Variants in STARD13 observed in about 807,000 individuals in gnomAD.
STARD13 encodes the protein stAR-related lipid transfer protein 13.
Under a neutral mutation model 106.4 loss-of-function variants are expected in STARD13, and 62 were observed. That is an observed-to-expected ratio of 0.58 (90% CI 0.48 to 0.72). The LOEUF (loss-of-function observed/expected upper bound fraction) is 0.72. Ranked by LOEUF, STARD13 falls within the 30% of genes least tolerant of loss-of-function variation. The pLI, the probability that STARD13 is intolerant of heterozygous loss-of-function variation, is 0.00. For missense variants in STARD13, 1,387 were observed against 1,424.0 expected, an observed-to-expected ratio of 0.97 and a Z score of 0.42; for synonymous variants, 565 against 553.0, an observed-to-expected ratio of 1.02 and a Z score of -0.31.
chr13:33,548,025 A>G, the STARD13 span, among the ~76,000 whole-genome samples: 4 of 152,310 alleles, frequency 2.6e-5, no homozygotes, highest in African/African-American at 9.6e-5. Context: ...TTTTAGATTC[A>G]CTATAACTCT....
chr13:33,180,876 A>C (rs760484413), intron 1 of STARD13, among the ~76,000 whole-genome samples: 3 of 152,184 alleles, frequency 2.0e-5, no homozygotes, highest in African/African-American at 2.4e-5. Context: ...CCGTCCTTGA[A>C]ACTTTTGCTT....
chr13:33,584,380 AAGAG>A, the STARD13 span, among the ~76,000 whole-genome samples: 1 of 152,068 alleles, frequency 6.6e-6, no homozygotes, highest in Non-Finnish European at 1.5e-5. Flanking sequence ...AGGAGCAAGA[AAGAG>A]AGAGGGTACC....
chr13:33,447,018 G>C, the STARD13 span, among the ~76,000 whole-genome samples: 16 of 152,174 alleles, frequency 1.1e-4, no homozygotes, highest in African/African-American at 3.4e-4. Context: ...CAGGATTTGG[G>C]CCAAGTCCCA....
the STARD13 span, among the ~76,000 whole-genome samples, chr13:33,670,920 T>A: frequency 6.6e-6 from 1 of 152,250 alleles, no homozygotes; most frequent in Non-Finnish European, 1.5e-5. Flanking sequence ...TTCCTTGAAC[T>A]ATTGTTTCCC....
At chr13:33,252,541 A>G (rs1022065874) in intron 1 of STARD13, among the ~76,000 whole-genome samples, 7 of 128,828 alleles carry the variant, frequency 5.4e-5, no homozygotes, top group African/African-American at 2.0e-4. Flanking sequence ...ATCAATCCCA[A>G]TCTTTAAGAT....
intron 1 of STARD13, among the ~76,000 whole-genome samples, chr13:33,171,039 C>T (rs1023921912): frequency 6.6e-6 from 1 of 152,194 alleles, no homozygotes; most frequent in Non-Finnish European, 1.5e-5. Context: ...ATCATTATTG[C>T]CAGTGCCATC....
chr13:33,673,667 T>A, the STARD13 span, among the ~76,000 whole-genome samples: 1 of 142,956 alleles, frequency 7.0e-6, no homozygotes, highest in Non-Finnish European at 1.5e-5. Flanking sequence ...CTCAGCCTCC[T>A]GATTAGCTGG....
At chr13:33,165,476 A>T in intron 2 of STARD13, 58 bp from the exon 3 acceptor site, 1 of 1,291,510 alleles carries the variant, frequency 7.7e-7, no homozygotes, top group South Asian at 1.2e-5. Flanking sequence ...GAGCACCAAC[A>T]TATTCAGACC....
At chr13:33,621,802 AT>A in the STARD13 span, among the ~76,000 whole-genome samples, 3 of 150,450 alleles carry the variant, frequency 2.0e-5, no homozygotes, top group Admixed American at 6.6e-5. Flanking sequence ...TGCACTTGCA[AT>A]TTTTTTTTCT....
At chr13:33,419,511 G>T in the STARD13 span, among the ~76,000 whole-genome samples, 1 of 152,098 alleles carries the variant, frequency 6.6e-6, no homozygotes, top group African/African-American at 2.4e-5. Flanking sequence ...GGGGAGAATG[G>T]ATCCAAGTTG....
chr13:33,107,518 C>A (rs569204207), intron 12 of STARD13, among the ~76,000 whole-genome samples: 1 of 152,096 alleles, frequency 6.6e-6, no homozygotes, highest in South Asian at 2.1e-4. Context: ...TGAACTGGTA[C>A]GCTTAGCTTG....
chr13:33,413,311 G>T, the STARD13 span, among the ~76,000 whole-genome samples: 71 of 152,068 alleles, frequency 4.7e-4, no homozygotes, highest in South Asian at 0.015. Flanking sequence ...TAGAAATGAG[G>T]AAAAGTCTCA....
the STARD13 span, among the ~76,000 whole-genome samples, chr13:33,651,502 T>C: frequency 6.6e-6 from 1 of 152,340 alleles, no homozygotes; most frequent in Non-Finnish European, 1.5e-5. Flanking sequence ...CTTAAAAATA[T>C]CTGGTTTGGA....
intron 1 of STARD13, among the ~76,000 whole-genome samples, chr13:33,210,456 G>A (rs1887656538): frequency 6.6e-6 from 1 of 152,164 alleles, no homozygotes; most frequent in African/African-American, 2.4e-5. Flanking sequence ...GTTACTTGCA[G>A]TCTCTCATTG....
intron 1 of STARD13, among the ~76,000 whole-genome samples, chr13:33,349,640 T>C (rs2078052175): frequency 6.6e-6 from 1 of 152,190 alleles, no homozygotes. Context: ...TTGCTGTGGT[T>C]CGTGGACAAT....
chr13:33,311,209 A>C (rs1275396013), intron 1 of STARD13, among the ~76,000 whole-genome samples: 1 of 151,910 alleles, frequency 6.6e-6, no homozygotes, highest in Non-Finnish European at 1.5e-5. Flanking sequence ...AGGCGGGATG[A>C]TCTCTTGAGC....
chr13:33,394,796 G>A, the STARD13 span, among the ~76,000 whole-genome samples: 5 of 152,180 alleles, frequency 3.3e-5, no homozygotes, highest in East Asian at 1.9e-4. Flanking sequence ...ACACAACAAC[G>A]CTGGCCAGAG....
intron 3 of STARD13, among the ~76,000 whole-genome samples, chr13:33,146,989 T>C (rs1486223542): frequency 6.6e-6 from 1 of 152,188 alleles, no homozygotes; most frequent in East Asian, 1.9e-4. Flanking sequence ...TACCAAAGAA[T>C]TGTCATTATC....
the STARD13 span, among the ~76,000 whole-genome samples, chr13:33,386,999 G>A: frequency 6.6e-6 from 1 of 152,150 alleles, no homozygotes; most frequent in East Asian, 1.9e-4. Flanking sequence ...GACAGGTGGA[G>A]GGACATGTCA....
Sources: gnomAD v4.1 joint callset for allele counts (sites outside exome capture counted in the v4.1 genomes callset) on GRCh38, gnomAD v4.1.1 for gene constraint, MANE v1.5 for transcripts, NCBI Gene and HGNC (gene_info 2026-07-23, HGNC 2026-07-21) for gene names.